NXPE2: variants seen among roughly 807,000 people sequenced by gnomAD.
NXPE2 encodes NXPE family member 2.
Under a neutral mutation model 34.4 loss-of-function variants are expected in NXPE2, and 34 were observed. The observed-to-expected ratio is 0.99, with a 90% confidence interval of 0.75 to 1.31. The LOEUF is 1.31. NXPE2 is among the 40% of genes most tolerant of loss of function. The pLI is 0.00. For missense variants in NXPE2, 649 were observed against 672.5 expected (o/e 0.97, Z 0.39); for synonymous variants, 235 against 231.3 (o/e 1.02, Z -0.15).
chr11:114,648,544 G>C, the NXPE2 span, among the ~76,000 whole-genome samples: 1 of 152,098 alleles, frequency 6.6e-6, no homozygotes, highest in African/African-American at 2.4e-5. Context: ...CACTCTTATA[G>C]AAACACCCAG....
upstream of NXPE2, among the ~76,000 whole-genome samples, chr11:114,676,855 T>C (rs1349013485): frequency 6.6e-6 from 1 of 152,032 alleles, no homozygotes; most frequent in Non-Finnish European, 1.5e-5. Flanking sequence ...GAAACAACGT[T>C]AAGTATGCAT....
At chr11:114,699,659 A>G (rs1248287750) in intron 3 of NXPE2, among the ~76,000 whole-genome samples, 3 of 152,072 alleles carry the variant, frequency 2.0e-5, no homozygotes, top group African/African-American at 7.2e-5. Context: ...TTCTAGTCCT[A>G]TATTTTTCCT....
upstream of NXPE2, among the ~76,000 whole-genome samples, chr11:114,677,234 T>C (rs1231711611): frequency 1.3e-5 from 2 of 152,046 alleles, no homozygotes; most frequent in African/African-American, 2.4e-5. Context: ...TAATACTTTA[T>C]TGCATACTTG....
chr11:114,638,349 C>G, the NXPE2 span, among the ~76,000 whole-genome samples: 1 of 151,960 alleles, frequency 6.6e-6, no homozygotes, highest in Non-Finnish European at 1.5e-5. Flanking sequence ...ATTGGTTATT[C>G]TAGTTATCCA....
the NXPE2 span, among the ~76,000 whole-genome samples, chr11:114,626,094 G>C: frequency 6.6e-6 from 1 of 152,186 alleles, no homozygotes; most frequent in Non-Finnish European, 1.5e-5. Flanking sequence ...CAGCGAGGCT[G>C]GGAGAGGGGC....
At chr11:114,787,538 A>G in the NXPE2 span, among the ~76,000 whole-genome samples, 2 of 152,230 alleles carry the variant, frequency 1.3e-5, no homozygotes, top group African/African-American at 2.4e-5. Context: ...AGCAGGGGCT[A>G]TAGCAAACAA....
the NXPE2 span, among the ~76,000 whole-genome samples, chr11:114,775,882 A>G: frequency 7.9e-6 from 1 of 127,196 alleles, no homozygotes; most frequent in African/African-American, 2.8e-5. Flanking sequence ...AAAAAAACGA[A>G]AAAAAAAAAC....
the NXPE2 span, among the ~76,000 whole-genome samples, chr11:114,554,851 C>T: frequency 5.3e-5 from 8 of 152,166 alleles, no homozygotes; most frequent in South Asian, 8.3e-4. Flanking sequence ...GGTTCACAGG[C>T]CTCCTAAACT....
At chr11:114,758,949 G>A in the NXPE2 span, among the ~76,000 whole-genome samples, 8 of 151,426 alleles carry the variant, frequency 5.3e-5, no homozygotes, top group East Asian at 1.4e-3. Context: ...AAGACTGAAG[G>A]CTCTTTCTAC....
At chr11:114,531,642 C>T in the NXPE2 span, among the ~76,000 whole-genome samples, 1 of 152,158 alleles carries the variant, frequency 6.6e-6, no homozygotes, top group Admixed American at 6.5e-5. Flanking sequence ...TTGCTACTCT[C>T]TTCCTTGCTT....
At chr11:114,583,611 G>C in the NXPE2 span, 1 of 594,806 alleles carries the variant, frequency 1.7e-6, no homozygotes, top group Non-Finnish European at 3.3e-6. Flanking sequence ...TCTGTGGCAA[G>C]TGCTGTGAAA....
chr11:114,624,402 A>G, the NXPE2 span, among the ~76,000 whole-genome samples: 150,096 of 152,186 alleles, frequency 0.99, 74,030 homozygotes, highest in Middle Eastern at 1. Flanking sequence ...GTATTGCCTC[A>G]TTGGTAACCA....
the NXPE2 span, among the ~76,000 whole-genome samples, chr11:114,506,740 G>A: frequency 2.6e-5 from 4 of 152,170 alleles, no homozygotes; most frequent in African/African-American, 7.2e-5. Context: ...GCAGTGTCAA[G>A]AGGGAAATTA....
the NXPE2 span, chr11:114,554,032 CT>C: frequency 1.0e-6 from 1 of 985,454 alleles, no homozygotes; most frequent in Non-Finnish European, 1.2e-6. Flanking sequence ...ATGTCTTCTA[CT>C]TTTTCTTCTC....
Position 114,706,507 on chromosome 11 carries a change from C to T in NXPE2, c.1257C>T (p.Thr419=). 1 of 1,551,580 alleles carries T rather than the reference C, an allele frequency of 6.4e-7. No homozygotes were observed. Reference sequence around the variant, plus strand: ...AAAAACATGGTCATCCATTTGTTACCAAAAAATTATTCTCAGTGAAAGATG... The same window carrying T: ...AAAAACATGGTCATCCATTTGTTACTAAAAAATTATTCTCAGTGAAAGATG... ...QWKKHGHPFV[T]KKLFSVKDEN... is the part of the protein sequence containing the mutation. Residue 419 remains threonine (T), a synonymous_variant, in exon 6 of 6, where the codon ACC becomes ACT. Coordinates refer to ENST00000389586, the MANE Select transcript of NXPE2 (RefSeq NM_182495.6).
At chr11:114,477,748 A>T in the NXPE2 span, among the ~76,000 whole-genome samples, 2 of 151,540 alleles carry the variant, frequency 1.3e-5, no homozygotes. Context: ...AAATTCTAGA[A>T]CATGAAAATA....
At chr11:114,596,456 T>G in the NXPE2 span, among the ~76,000 whole-genome samples, 1 of 152,270 alleles carries the variant, frequency 6.6e-6, no homozygotes, top group Middle Eastern at 3.4e-3. Context: ...TCCATCTTAT[T>G]TAAGCATGCC....
chr11:114,665,971 G>A, the NXPE2 span, among the ~76,000 whole-genome samples: 1 of 152,062 alleles, frequency 6.6e-6, no homozygotes, highest in Non-Finnish European at 1.5e-5. Flanking sequence ...TGAGGTAGGG[G>A]GCAGGGTTAG....
At chr11:114,613,987 G>C in the NXPE2 span, among the ~76,000 whole-genome samples, 2,860 of 151,610 alleles carry the variant, frequency 0.019, 89 homozygotes, top group African/African-American at 0.066. Flanking sequence ...TTGCCTCTAG[G>C]GTTACCACTG....
Sources: allele counts gnomAD v4.1 joint callset (sites outside exome capture counted in the v4.1 genomes callset), GRCh38; gene constraint gnomAD v4.1.1; transcripts MANE v1.5; gene names NCBI Gene and HGNC (gene_info 2026-07-23, HGNC 2026-07-21).